The following ANO4 variants were observed in gnomAD, a reference collection of about 807,000 sequenced individuals.
ANO4 encodes anoctamin-4.
ANO4 carries 69 observed loss-of-function variants against 141.9 expected under a neutral mutation model. The ratio of observed to expected loss-of-function variants is 0.49; its 90% CI spans 0.40 to 0.59. The LOEUF is 0.59. Among genes scored for constraint, ANO4 ranks in the 20% least tolerant of loss-of-function variants. The probability of loss-of-function intolerance (pLI) is 0.00; values close to 1 mark genes in which losing one functional copy is unlikely to be tolerated. For missense variants in ANO4, 894 were observed against 1,162.2 expected, an observed-to-expected ratio of 0.77 and a Z score of 3.36; for synonymous variants, 350 against 394.3, an observed-to-expected ratio of 0.89 and a Z score of 1.33.
intron 1 of ANO4, among the ~76,000 whole-genome samples, chr12:100,874,030 A>G (rs1045320998): frequency 6.6e-6 from 1 of 152,248 alleles, no homozygotes; most frequent in African/African-American, 2.4e-5. Flanking sequence ...GGAAGGTGCC[A>G]GCCATAAGCG....
chr12:100,889,461 C>A (rs941931012), intron 1 of ANO4, among the ~76,000 whole-genome samples: 1 of 152,118 alleles, frequency 6.6e-6, no homozygotes, highest in African/African-American at 2.4e-5. Flanking sequence ...GCCACACTGA[C>A]TTCCACAATG....
chr12:100,797,982 C>A (rs181097652), intron 1 of ANO4, among the ~76,000 whole-genome samples: 1 of 152,238 alleles, frequency 6.6e-6, no homozygotes, highest in African/African-American at 2.4e-5. Context: ...ATAAATATAA[C>A]CTCATACTTC....
At chr12:100,949,047 C>T (rs1449776810) in intron 5 of ANO4, among the ~76,000 whole-genome samples, 2 of 152,144 alleles carry the variant, frequency 1.3e-5, no homozygotes, top group Non-Finnish European at 2.9e-5. Context: ...ATCCAGCTGA[C>T]GTCCAGCAAC....
chr12:100,759,278 C>T (rs754021841), intron 3 of ANO4, among the ~76,000 whole-genome samples: 2 of 152,146 alleles, frequency 1.3e-5, no homozygotes, highest in Non-Finnish European at 2.9e-5. Context: ...GCTTTCCTTT[C>T]GTGTATTTAT....
chr12:100,838,229 CAAAAAAAAAAAAA>C (rs11331726), intron 1 of ANO4, among the ~76,000 whole-genome samples: 2 of 84,242 alleles, frequency 2.4e-5, no homozygotes, highest in African/African-American at 9.4e-5. Flanking sequence ...GACTCCGTCT[CAAAAAAAAAAAAA>C]AAAAAAAAAG....
chr12:100,837,262 TACAACAACC>T (rs2036976116), intron 1 of ANO4, among the ~76,000 whole-genome samples: 1 of 151,056 alleles, frequency 6.6e-6, no homozygotes, highest in Non-Finnish European at 1.5e-5. Flanking sequence ...CATTTAATCC[TACAACAACC>T]ATATGAGATA....
intron 10 of ANO4, chr12:101,038,796 C>G (rs895198269): frequency 6.6e-6 from 1 of 152,120 alleles, no homozygotes; most frequent in Non-Finnish European, 1.5e-5. Context: ...GACTTCTTAT[C>G]AGGTGTGGTG....
intron 2 of ANO4, among the ~76,000 whole-genome samples, chr12:100,921,796 A>G (rs1422755409): frequency 1.3e-5 from 2 of 152,156 alleles, no homozygotes; most frequent in East Asian, 3.9e-4. Flanking sequence ...CGTAATATCA[A>G]GAATATTAAA....
intron 7 of ANO4, among the ~76,000 whole-genome samples, chr12:100,980,623 C>T (rs2044416465): frequency 6.6e-6 from 1 of 152,132 alleles, no homozygotes; most frequent in Admixed American, 6.5e-5. Context: ...CAAACCTATT[C>T]CCTAAGAATA....
Position 100,901,855 on chromosome 12 carries a change from A to G in ANO4, c.55+15A>G, listed in dbSNP as rs758352662. ...CTTCCACCCAGGTGATGCATGGGGA[A>G]GTTCAACGGGGACCCATTTCAGTAG... On this transcript the variant is annotated intron_variant, in intron 2 of 27. Transcript: ENST00000392977. 3.2e-6 allele frequency: 5 copies of G among 1,585,088 alleles called. No individual in the cohort carries two copies. The highest frequency in any genetic ancestry group is 4.3e-6 in the Non-Finnish European group (5 of 1,165,400).
intron 1 of ANO4, chr12:100,842,061 A>ACCCCCCC (rs560427876): frequency 1.9e-5 from 1 of 51,310 alleles, no homozygotes; most frequent in Admixed American, 2.9e-4. Flanking sequence ...GTAAATATCC[A>ACCCCCCC]CCCCCCCCCC....
chr12:100,993,285 TC>T (rs1238648408), intron 8 of ANO4, among the ~76,000 whole-genome samples: 4 of 152,138 alleles, frequency 2.6e-5, no homozygotes, highest in Non-Finnish European at 5.9e-5. Context: ...GGTGTACAAG[TC>T]AACATACAAA....
chr12:100,784,752 G>A (rs2135590355), intron 3 of ANO4, among the ~76,000 whole-genome samples: 1 of 152,270 alleles, frequency 6.6e-6, no homozygotes, highest in Admixed American at 6.5e-5. Context: ...CCAGTGTTCT[G>A]GTTTGTTAGG....
At chr12:101,011,201 A>G (rs1230253304) in intron 8 of ANO4, among the ~76,000 whole-genome samples, 1 of 152,114 alleles carries the variant, frequency 6.6e-6, no homozygotes, top group African/African-American at 2.4e-5. Context: ...TCTGCTGTAT[A>G]CTGTAGATTA....
chr12:100,894,108 G>T (rs1390877490), intron 1 of ANO4, among the ~76,000 whole-genome samples: 1 of 152,120 alleles, frequency 6.6e-6, no homozygotes, highest in East Asian at 1.9e-4. Context: ...CAGTTAACGT[G>T]GCTTTAGACA....
chr12:100,760,507 T>G (rs1280172686), intron 3 of ANO4, among the ~76,000 whole-genome samples: 1 of 152,198 alleles, frequency 6.6e-6, no homozygotes, highest in Admixed American at 6.5e-5. Context: ...GTCCAACCTC[T>G]CTGATCTTTC....
intron 2 of ANO4, among the ~76,000 whole-genome samples, chr12:100,917,658 C>G (rs2041409050): frequency 6.6e-6 from 1 of 152,140 alleles, no homozygotes; most frequent in Admixed American, 6.5e-5. Flanking sequence ...TGTTTTACAG[C>G]TCCCTCTCCT....
intron 2 of ANO4, among the ~76,000 whole-genome samples, chr12:100,916,907 C>T (rs2041368133): frequency 6.6e-6 from 1 of 151,244 alleles, no homozygotes; most frequent in South Asian, 2.1e-4. Flanking sequence ...CTTTGATGCC[C>T]TGGAAGTTGA....
At chr12:100,827,659 AAT>A (rs1315178420) in intron 1 of ANO4, among the ~76,000 whole-genome samples, 5 of 152,028 alleles carry the variant, frequency 3.3e-5, no homozygotes, top group Non-Finnish European at 5.9e-5. Context: ...TGATGATATA[AAT>A]ATATATATTA....
Sources: allele counts gnomAD v4.1 joint callset (sites outside exome capture counted in the v4.1 genomes callset), GRCh38; gene constraint gnomAD v4.1.1; transcripts MANE v1.5; gene names NCBI Gene and HGNC (gene_info 2026-07-23, HGNC 2026-07-21).